Variants in DLG2 observed in about 807,000 individuals in gnomAD.
DLG2 encodes the protein discs large MAGUK scaffold protein 2.
Under a neutral mutation model 132.5 loss-of-function variants are expected in DLG2, and 45 were observed. That is an observed-to-expected ratio of 0.34 (90% CI 0.27 to 0.44). The LOEUF is 0.44. DLG2 is among the 20% of genes least tolerant of loss of function. The probability of loss-of-function intolerance (pLI) is 1.00; values close to 1 mark genes in which losing one functional copy is unlikely to be tolerated. For synonymous variants in DLG2, 424 were observed against 419.6 expected (o/e 1.01, Z -0.13); for missense variants, 1,045 against 1,196.9 (o/e 0.87, Z 1.87).
chr11:83,460,221 T>A (rs76597137), intron 27 of DLG2, among the ~76,000 whole-genome samples: 3,515 of 152,304 alleles, frequency 0.023, 116 homozygotes, highest in African/African-American at 0.073. Context: ...TTAACCAATA[T>A]TTTATGGGTG....
chr11:84,480,537 C>CA (rs35569474), intron 7 of DLG2, among the ~76,000 whole-genome samples: 1 of 148,954 alleles, frequency 6.7e-6, no homozygotes, highest in Non-Finnish European at 1.5e-5. Flanking sequence ...ATAAGTTTTA[C>CA]AAAAAAAGAA....
intron 18 of DLG2, among the ~76,000 whole-genome samples, chr11:83,655,663 TC>T (rs2072159662): frequency 6.6e-6 from 1 of 152,216 alleles, no homozygotes; most frequent in Non-Finnish European, 1.5e-5. Context: ...TACATTGTAT[TC>T]CTTTAAAGAA....
chr11:85,168,626 T>G (rs2078626079), intron 4 of DLG2, among the ~76,000 whole-genome samples: 1 of 152,068 alleles, frequency 6.6e-6, no homozygotes, highest in Admixed American at 6.6e-5. Context: ...GGAAAACATT[T>G]TAAAAGTAAA....
Position 84,722,383 on chromosome 11 carries a change from C to T in DLG2, c.358-187652G>A, listed in dbSNP as rs117853738. 2.8e-3 allele frequency among the ~76,000 whole-genome samples: 427 copies of T among 152,258 alleles called. 2 individuals are homozygous for T. Among genetic ancestry groups the T allele is most frequent in the Non-Finnish European group, 3.4e-3 (232 of 68,020 alleles). The stretch of plus-strand genomic sequence containing the variant: ...GCCTCAATATCATGGTATGCTTCCT[C>T]CTTAGAAAGTTTAAATGTATTGGTT... On this transcript the variant is annotated intron_variant, in intron 6 of 27. Coordinates refer to ENST00000376104, the MANE Select transcript of DLG2 (RefSeq NM_001142699.3).
chr11:84,258,750 C>G (rs1410190390), intron 7 of DLG2, among the ~76,000 whole-genome samples: 1 of 151,946 alleles, frequency 6.6e-6, no homozygotes, highest in Non-Finnish European at 1.5e-5. Context: ...TTTTTTTTGC[C>G]TGAGTTTTTC....
chr11:83,797,362 A>T (rs567630182), intron 17 of DLG2, among the ~76,000 whole-genome samples: 9 of 152,284 alleles, frequency 5.9e-5, no homozygotes, highest in Admixed American at 3.9e-4. Context: ...CAACTGTGTG[A>T]AGTAAGAACA....
At chr11:83,833,802 G>A (rs2055274235) in intron 16 of DLG2, 32 bp from the exon 17 acceptor site, 1 of 1,600,150 alleles carries the variant, frequency 6.2e-7, no homozygotes, top group South Asian at 1.1e-5. Context: ...ACAGCTCAGA[G>A]GGTGATCCAT....
intron 7 of DLG2, among the ~76,000 whole-genome samples, chr11:84,448,456 A>G (rs1452484818): frequency 6.6e-6 from 1 of 152,056 alleles, no homozygotes; most frequent in African/African-American, 2.4e-5. Flanking sequence ...TATTTTTGCC[A>G]TACCATCCCT....
At chr11:84,024,480 T>C (rs2095485635) in intron 11 of DLG2, among the ~76,000 whole-genome samples, 1 of 152,130 alleles carries the variant, frequency 6.6e-6, no homozygotes, top group Non-Finnish European at 1.5e-5. Flanking sequence ...ACGGAAACAA[T>C]GATAGCCAAG....
chr11:83,821,359 TG>T (rs1330113073), intron 17 of DLG2, among the ~76,000 whole-genome samples: 1 of 152,132 alleles, frequency 6.6e-6, no homozygotes, highest in African/African-American at 2.4e-5. Flanking sequence ...GTGTCAGAAG[TG>T]GTGATGGTGA....
intron 3 of DLG2, among the ~76,000 whole-genome samples, chr11:85,485,811 G>A (rs2093416762): frequency 6.6e-6 from 1 of 152,166 alleles, no homozygotes; most frequent in African/African-American, 2.4e-5. Flanking sequence ...AGTCCCACAG[G>A]TATCTGAGCC....
chr11:85,141,443 A>G (rs1424757206), intron 5 of DLG2, among the ~76,000 whole-genome samples: 1 of 151,638 alleles, frequency 6.6e-6, no homozygotes, highest in African/African-American at 2.4e-5. Flanking sequence ...GAGTTGTTTG[A>G]GCTCCCTATA....
At chr11:84,976,575 GT>G in intron 6 of DLG2, among the ~76,000 whole-genome samples, 1 of 152,062 alleles carries the variant, frequency 6.6e-6, no homozygotes, top group East Asian at 1.9e-4. Flanking sequence ...TAAATGAGTG[GT>G]TTCCTCCAGC....
In DLG2 at chr11:84,279,518, T is replaced by C. The variant is rs538649240; in HGVS notation, c.520-28227A>G. Among the ~76,000 whole-genome samples the C allele has an allele frequency of 3.9e-5, 6 of 152,354 alleles. No homozygotes were observed. In the South Asian group the frequency reaches 8.3e-4, roughly 21 times the overall value. ...AAGGACAAATGCACATGTATGTTTATTGTGGCACTGTTCACAATAGCAAAG... is the reference window on the plus strand; with the variant it reads ...AAGGACAAATGCACATGTATGTTTACTGTGGCACTGTTCACAATAGCAAAG... On this transcript the variant is annotated intron_variant, in intron 7 of 27. Coordinates refer to ENST00000376104, the MANE Select transcript of DLG2 (RefSeq NM_001142699.3).
chr11:84,832,188 C>A (rs1377183063), intron 6 of DLG2, among the ~76,000 whole-genome samples: 1 of 151,528 alleles, frequency 6.6e-6, no homozygotes, highest in African/African-American at 2.4e-5. Context: ...ACAAGAATTC[C>A]AAAGACAACT....
chr11:84,092,677 T>C (rs1432255916), intron 10 of DLG2, among the ~76,000 whole-genome samples: 1 of 152,192 alleles, frequency 6.6e-6, no homozygotes, highest in Non-Finnish European at 1.5e-5. Flanking sequence ...ATATTGGCTA[T>C]GATTTCGCAC....
intron 6 of DLG2, among the ~76,000 whole-genome samples, chr11:84,940,291 C>T (rs578115704): frequency 3.3e-5 from 5 of 152,308 alleles, no homozygotes; most frequent in African/African-American, 1.2e-4. Context: ...GCTGGGACTA[C>T]AGGCATGTGC....
At chr11:84,264,908 C>CGACT (rs141314571) in intron 7 of DLG2, among the ~76,000 whole-genome samples, 1 of 152,240 alleles carries the variant, frequency 6.6e-6, no homozygotes, top group East Asian at 1.9e-4. Context: ...AGAACTTAGT[C>CGACT]AAGTCACTTA....
intron 7 of DLG2, among the ~76,000 whole-genome samples, chr11:84,288,141 C>G (rs1438335341): frequency 6.6e-6 from 1 of 151,904 alleles, no homozygotes. Context: ...TAATTATTTA[C>G]AATGTACATT....
Sources: allele counts gnomAD v4.1 joint callset (sites outside exome capture counted in the v4.1 genomes callset), GRCh38; gene constraint gnomAD v4.1.1; transcripts MANE v1.5; gene names NCBI Gene and HGNC (gene_info 2026-07-23, HGNC 2026-07-21).